Variants in RABGAP1L observed in about 807,000 individuals in gnomAD.
RABGAP1L encodes the protein rab GTPase-activating protein 1-like.
In RABGAP1L, 63 loss-of-function variants were observed where a neutral mutation model predicts 137.7. The observed-to-expected ratio is 0.46, with a 90% CI of 0.37 to 0.56. The LOEUF is 0.56. Among genes scored for constraint, RABGAP1L ranks in the 20% least tolerant of loss-of-function variants. The pLI, the probability that RABGAP1L is intolerant of heterozygous loss-of-function variation, is 0.00. For missense variants in RABGAP1L, 1,095 were observed against 1,244.0 expected, an observed-to-expected ratio of 0.88 and a Z score of 1.80; for synonymous variants, 431 against 433.7, an observed-to-expected ratio of 0.99 and a Z score of 0.08.
intron 13 of RABGAP1L, among the ~76,000 whole-genome samples, chr1:174,443,747 T>C (rs779465359): frequency 6.6e-6 from 1 of 152,100 alleles, no homozygotes; most frequent in East Asian, 1.9e-4. Context: ...ACTCAAGTAG[T>C]CTTTGCCAAA....
At chr1:174,635,652 A>T (rs1444205389) in intron 13 of RABGAP1L, among the ~76,000 whole-genome samples, 1 of 147,220 alleles carries the variant, frequency 6.8e-6, no homozygotes, top group Non-Finnish European at 1.5e-5. Flanking sequence ...GCTCTATTTT[A>T]ATTCAGGTTT....
At chr1:174,401,570 G>A (rs1027753316) in intron 13 of RABGAP1L, among the ~76,000 whole-genome samples, 2 of 152,160 alleles carry the variant, frequency 1.3e-5, no homozygotes, top group Non-Finnish European at 2.9e-5. Context: ...ACATTCATCT[G>A]AGAAATGGGG....
chr1:174,796,184 A>T (rs2148811220), intron 18 of RABGAP1L, among the ~76,000 whole-genome samples: 1 of 152,276 alleles, frequency 6.6e-6, no homozygotes, highest in South Asian at 2.1e-4. Flanking sequence ...GTTTTCTGTG[A>T]AGTGTTCTGT....
intron 13 of RABGAP1L, among the ~76,000 whole-genome samples, chr1:174,401,043 C>A (rs1471227646): frequency 6.6e-6 from 1 of 151,972 alleles, no homozygotes; most frequent in Non-Finnish European, 1.5e-5. Flanking sequence ...GAGCTGTAGA[C>A]CAACTGATAA....
At chr1:174,933,405 C>T (rs541672717) in intron 19 of RABGAP1L, among the ~76,000 whole-genome samples, 39 of 152,178 alleles carry the variant, frequency 2.6e-4, no homozygotes, top group Admixed American at 1.1e-3. Flanking sequence ...TCATAAATGC[C>T]CTTATTACGA....
chr1:174,741,239 C>CT (rs1683383269), intron 17 of RABGAP1L, among the ~76,000 whole-genome samples: 1 of 152,024 alleles, frequency 6.6e-6, no homozygotes, highest in African/African-American at 2.4e-5. Flanking sequence ...CTTTAATCTA[C>CT]TTTGAGTTCA....
At chr1:174,372,833 G>C (rs1377483115) in intron 12 of RABGAP1L, among the ~76,000 whole-genome samples, 1 of 152,156 alleles carries the variant, frequency 6.6e-6, no homozygotes. Context: ...TACCATGAAT[G>C]GGAGTCATTT....
At chr1:174,533,513 G>A (rs574525687) in intron 13 of RABGAP1L, among the ~76,000 whole-genome samples, 3 of 152,090 alleles carry the variant, frequency 2.0e-5, no homozygotes, top group South Asian at 4.2e-4. Flanking sequence ...GTGTGAAGAC[G>A]ATGACGATGA....
chr1:174,416,239 A>G (rs1027565855), intron 13 of RABGAP1L, among the ~76,000 whole-genome samples: 1 of 151,928 alleles, frequency 6.6e-6, no homozygotes, highest in Non-Finnish European at 1.5e-5. Context: ...GTAGTCTTGC[A>G]TTAAGTGTTC....
intron 18 of RABGAP1L, among the ~76,000 whole-genome samples, chr1:174,773,483 T>A (rs1793294): frequency 0.63 from 95,386 of 152,054 alleles, 33,299 homozygotes; most frequent in East Asian, 0.93. Context: ...ATTCCACAAA[T>A]CTATGTTGAC....
At chr1:174,863,613 C>T (rs1368239898) in intron 19 of RABGAP1L, among the ~76,000 whole-genome samples, 10 of 149,854 alleles carry the variant, frequency 6.7e-5, no homozygotes, top group African/African-American at 2.5e-4. Flanking sequence ...GCGGAGCTTG[C>T]AGTGAGCCGA....
chr1:174,595,360 A>G (rs1456872809), intron 13 of RABGAP1L, among the ~76,000 whole-genome samples: 1 of 12,580 alleles, frequency 7.9e-5, no homozygotes, highest in African/African-American at 3.7e-4. Flanking sequence ...CAGCTCGTCA[A>G]AATCATTCTC....
intron 19 of RABGAP1L, among the ~76,000 whole-genome samples, chr1:174,815,602 T>C (rs935033636): frequency 2.0e-5 from 3 of 152,216 alleles, no homozygotes; most frequent in Non-Finnish European, 4.4e-5. Context: ...GGCTTTAAAA[T>C]AGATGCAGCA....
chr1:174,854,782 A>C, intron 19 of RABGAP1L, among the ~76,000 whole-genome samples: 1 of 97,480 alleles, frequency 1.0e-5, no homozygotes, highest in Non-Finnish European at 1.9e-5. Flanking sequence ...TCACTCTGTC[A>C]CCCAGGCTGG....
At chr1:174,892,583 A>G in intron 19 of RABGAP1L, 1 of 532,288 alleles carries the variant, frequency 1.9e-6, no homozygotes, top group Non-Finnish European at 3.8e-6. Flanking sequence ...GGTGGTATTT[A>G]CATGCCATTC....
intron 13 of RABGAP1L, among the ~76,000 whole-genome samples, chr1:174,614,170 T>C (rs1391618681): frequency 6.6e-6 from 1 of 152,218 alleles, no homozygotes; most frequent in Non-Finnish European, 1.5e-5. Context: ...CTTTACAATT[T>C]GGCATGATTT....
Position 174,503,484 on chromosome 1 carries a change from A to AC in RABGAP1L, c.1710+109343dup, listed in dbSNP as rs1332891905. ...AGACCATCTTGGCTAACACAGTGAA[A>AC]CCCCATCTCTACTAAAAATACAAAA... On this transcript the variant is annotated intron_variant, in intron 13 of 25. Transcript: ENST00000681986. 7.2e-5 allele frequency among the ~76,000 whole-genome samples: 11 copies of AC among 152,120 alleles called. No individual in the cohort carries two copies. The East Asian group carries it at 2.1e-3, about 29-fold the overall frequency.
chr1:174,405,798 T>G (rs1420720671), intron 13 of RABGAP1L, among the ~76,000 whole-genome samples: 1 of 151,960 alleles, frequency 6.6e-6, no homozygotes, highest in Non-Finnish European at 1.5e-5. Context: ...GGCCACATGG[T>G]GAAACCCTGT....
At chr1:174,704,191 G>T (rs1029938142) in intron 17 of RABGAP1L, among the ~76,000 whole-genome samples, 1 of 152,096 alleles carries the variant, frequency 6.6e-6, no homozygotes, top group Non-Finnish European at 1.5e-5. Flanking sequence ...TAGAGATGGG[G>T]TTTCACCATG....
Sources: gnomAD v4.1 joint callset for allele counts (sites outside exome capture counted in the v4.1 genomes callset) on GRCh38, gnomAD v4.1.1 for gene constraint, MANE v1.5 for transcripts, NCBI Gene and HGNC (gene_info 2026-07-23, HGNC 2026-07-21) for gene names.